The following GALNT11 variants were observed in gnomAD, a reference collection of about 807,000 sequenced individuals.
GALNT11 encodes the protein polypeptide N-acetylgalactosaminyltransferase 11, also known as UDP-GalNAc:polypeptide N-acetylgalactosaminyltransferase 11.
In GALNT11, 47 loss-of-function variants were observed where a neutral mutation model predicts 72.7. The observed-to-expected ratio is 0.65, with a 90% CI of 0.51 to 0.82. The LOEUF (loss-of-function observed/expected upper bound fraction) is 0.82, where lower values mean the gene tolerates loss of function less well. Ranked by LOEUF, GALNT11 falls within the 40% of genes least tolerant of loss-of-function variation. GALNT11 has a pLI of 0.00. For missense variants in GALNT11, 677 were observed against 778.4 expected (o/e 0.87, Z 1.55); for synonymous variants, 270 against 286.6 (o/e 0.94, Z 0.58).
At chr7:152,081,629 A>G (rs1054929047) in intron 1 of GALNT11, among the ~76,000 whole-genome samples, 1 of 152,198 alleles carries the variant, frequency 6.6e-6, no homozygotes, top group Non-Finnish European at 1.5e-5. Flanking sequence ...ATTGCATAGT[A>G]GTGTAAGGCT....
intron 6 of GALNT11, among the ~76,000 whole-genome samples, chr7:152,109,876 G>T (rs2087996583): frequency 6.6e-6 from 1 of 152,158 alleles, no homozygotes; most frequent in African/African-American, 2.4e-5. Flanking sequence ...TCGAGTCCCT[G>T]AGAGGACTAG....
Position 152,038,490 on chromosome 7 carries a change from G to A in GALNT11, c.-39+12606G>A, listed in dbSNP as rs150372048. 7.4e-3 allele frequency among the ~76,000 whole-genome samples: 1,130 copies of A among 152,302 alleles called. 15 individuals carry two copies. Among genetic ancestry groups the A allele is most frequent in the African/African-American group, 0.026 (1,089 of 41,548 alleles). ...GTCAGGTGTTCCTTGCCCTCATTCC[G>A]GTAAACCGACAACCTTCCAGCATTG... is the stretch of plus-strand genomic sequence containing the variant. On this transcript the variant is annotated intron_variant, in intron 1 of 11. Transcript: ENST00000430044.
rs537103562 is a variant in GALNT11 at position 152,047,882 on chromosome 7, A to G, written c.-39+21998A>G. Among the ~76,000 whole-genome samples the G allele has an allele frequency of 1.7e-4, 26 of 152,000 alleles. No homozygotes were observed. The South Asian group carries it at 5.4e-3, about 32-fold the overall frequency. On this transcript the variant is annotated intron_variant, in intron 1 of 11. Transcript: ENST00000430044. The stretch of plus-strand genomic sequence containing the variant: ...CTATGACCTGAAAACTTGTTGTAGT[A>G]ATTATTTTTGATCAGTTCGTCTTTT...
At position 152,069,997 on chromosome 7, in the gene GALNT11, C is replaced by CTTTTTTTTTTTTTTT. The variant is rs879494057; in HGVS notation, c.-38-24188_-38-24187insTTTTTTTTTTTTTTT. On this transcript the variant is annotated intron_variant, in intron 1 of 11. Transcript: ENST00000430044. ...TCTTTCTTTTTTCTTTTTTCTTTTTCTTTTTCTTTTTTTTTTTGAGACAGA... is the reference window on the plus strand; with the variant it reads ...TCTTTCTTTTTTCTTTTTTCTTTTTCTTTTTTTTTTTTTTTTTTTTCTTTTTTTTTTTGAGACAGA... Among the ~76,000 whole-genome samples the CTTTTTTTTTTTTTTT allele has an allele frequency of 7.0e-5, 10 of 143,482 alleles. 1 individual carries two copies. Among genetic ancestry groups the CTTTTTTTTTTTTTTT allele is most frequent in the African/African-American group, 2.0e-4 (7 of 35,386 alleles). The allele number at this position is 143,482 out of a possible 152,430, so 94.1% of individuals were successfully genotyped here.
In GALNT11 at chr7:152,100,915, A is replaced by G. The variant is rs1298771589; in HGVS notation, c.413A>G (p.Asn138Ser). The G allele has an allele frequency of 1.2e-6, 2 of 1,613,788 alleles. No individual in the cohort carries two copies. The highest frequency in any genetic ancestry group is 1.1e-5 in the South Asian group (1 of 91,052). Residue 138 changes from asparagine (N) to serine (S), a missense_variant, in exon 3 of 12, where the codon AAT (asparagine) becomes AGT (serine). By Grantham distance (46) the Asn-to-Ser change is conservative (BLOSUM62 1). Coordinates refer to ENST00000430044, the MANE Select transcript of GALNT11 (RefSeq NM_022087.4). ...GYHRDVPDTR[N>S]AACKEKFYPP... ...CACAGAGATGTGCCAGACACAAGGAATGCAGCGTATGTGCCTTATCGGATT... is the reference window on the plus strand; with the variant it reads ...CACAGAGATGTGCCAGACACAAGGAGTGCAGCGTATGTGCCTTATCGGATT...
intron 1 of GALNT11, among the ~76,000 whole-genome samples, chr7:152,041,502 T>C (rs1444291468): frequency 6.6e-6 from 1 of 152,132 alleles, no homozygotes; most frequent in African/African-American, 2.4e-5. Flanking sequence ...GGAGTTAGAG[T>C]CCATGAATTA....
chr7:152,078,162 C>T (rs1002678580), intron 1 of GALNT11, among the ~76,000 whole-genome samples: 7 of 151,788 alleles, frequency 4.6e-5, no homozygotes, highest in East Asian at 1.9e-4. Flanking sequence ...GTCTGACATA[C>T]GTGATTTGAA....
chr7:152,077,353 C>T (rs1354806513), intron 1 of GALNT11, among the ~76,000 whole-genome samples: 1 of 152,152 alleles, frequency 6.6e-6, no homozygotes, highest in African/African-American at 2.4e-5. Context: ...GACCCAGGGC[C>T]GCTTTTGCCC....
At chr7:152,033,161 T>G (rs1185482268) in intron 1 of GALNT11, among the ~76,000 whole-genome samples, 1 of 152,196 alleles carries the variant, frequency 6.6e-6, no homozygotes, top group Non-Finnish European at 1.5e-5. Flanking sequence ...CAGAGAACCT[T>G]TGTCCTCCGG....
intron 8 of GALNT11, among the ~76,000 whole-genome samples, chr7:152,116,040 G>A (rs1464438339): frequency 1.3e-5 from 2 of 152,134 alleles, no homozygotes; most frequent in African/African-American, 4.8e-5. Context: ...TGGGCAACAA[G>A]AGTGAAACTC....
At chr7:152,073,090 G>A (rs1380410381) in intron 1 of GALNT11, among the ~76,000 whole-genome samples, 1 of 152,158 alleles carries the variant, frequency 6.6e-6, no homozygotes, top group Non-Finnish European at 1.5e-5. Flanking sequence ...TAACGTATCA[G>A]TGATCAGATC....
intron 2 of GALNT11, among the ~76,000 whole-genome samples, chr7:152,099,342 TTTTATTTATTTATTTA>T (rs143805862): frequency 2.2e-4 from 32 of 143,578 alleles, no homozygotes; most frequent in Admixed American, 2.8e-4. Context: ...AAAAATGGAC[TTTTATTTATTTATTTA>T]TTTATTTATT....
chr7:152,052,034 A>C (rs1263987989), intron 1 of GALNT11, among the ~76,000 whole-genome samples: 1 of 152,182 alleles, frequency 6.6e-6, no homozygotes, highest in East Asian at 1.9e-4. Flanking sequence ...TTAAGCAATA[A>C]TTCCCCATTT....
At chr7:152,049,793 C>A (rs1422760905) in intron 1 of GALNT11, among the ~76,000 whole-genome samples, 1 of 152,162 alleles carries the variant, frequency 6.6e-6, no homozygotes, top group Non-Finnish European at 1.5e-5. Context: ...AGGAATCTAC[C>A]TGGTGCTCTA....
chr7:152,051,683 C>CTT (rs1481539176), intron 1 of GALNT11, among the ~76,000 whole-genome samples: 1 of 152,168 alleles, frequency 6.6e-6, no homozygotes, highest in Admixed American at 6.5e-5. Context: ...TTTAAAAAAT[C>CTT]ATGTTTTCCT....
At chr7:152,026,647 A>T (rs2082029372) in intron 1 of GALNT11, among the ~76,000 whole-genome samples, 1 of 152,256 alleles carries the variant, frequency 6.6e-6, no homozygotes, top group African/African-American at 2.4e-5. Flanking sequence ...AGACTAAGGC[A>T]CAAGTGGCTA....
At chr7:152,118,574 G>A (rs945070528) in intron 9 of GALNT11, 104 bp from the exon 10 acceptor site, 7 of 897,640 alleles carry the variant, frequency 7.8e-6, no homozygotes, top group African/African-American at 6.9e-5. Flanking sequence ...CTTGGAATTC[G>A]TACCTCCGGA....
intron 1 of GALNT11, among the ~76,000 whole-genome samples, chr7:152,084,861 G>C (rs776126610): frequency 3.0e-4 from 46 of 152,186 alleles, no homozygotes; most frequent in Non-Finnish European, 5.7e-4. Flanking sequence ...AAGTATAGCA[G>C]TGCTTACCCT....
In GALNT11 at chr7:152,094,047, A is replaced by G; in HGVS notation, c.-38-143A>G. 1 of 699,348 alleles carries G rather than the reference A, an allele frequency of 1.4e-6. No homozygotes were observed. Among genetic ancestry groups the G allele is most frequent in the Non-Finnish European group, 2.3e-6 (1 of 430,930 alleles). 43.3% of individuals were successfully genotyped at this position (699,348 alleles called of 1,614,324 possible). A position where few individuals can be genotyped will look rare whatever the true frequency, so the allele number is the denominator to read the frequency against. On this transcript the variant is annotated intron_variant, in intron 1 of 11. Transcript: ENST00000430044. The surrounding 1 kb of genome is among the most constrained non-coding windows in gnomAD (Gnocchi z 4.3). ...GAACCCTTTTTAAAAACTCAGTACT[A>G]TCCATACATCTTCTTGTATTTGAAT...
Sources: allele counts gnomAD v4.1 joint callset (sites outside exome capture counted in the v4.1 genomes callset), GRCh38; gene constraint gnomAD v4.1.1; non-coding constraint Gnocchi (gnomAD v3.1); transcripts MANE v1.5; gene names NCBI Gene and HGNC (gene_info 2026-07-23, HGNC 2026-07-21).